MCM9: variants seen among roughly 807,000 people sequenced by gnomAD.
MCM9 encodes the protein DNA helicase MCM9.
In MCM9, 55 loss-of-function variants were observed where a neutral mutation model predicts 72.8. The observed-to-expected ratio is 0.76, with a 90% CI of 0.61 to 0.95. MCM9 has a LOEUF of 0.95. MCM9 is among the 40% of genes least tolerant of loss of function. MCM9 has a pLI of 0.00. For missense variants in MCM9, 1,279 were observed against 1,377.0 expected, an observed-to-expected ratio of 0.93 and a Z score of 1.13; for synonymous variants, 480 against 503.4, an observed-to-expected ratio of 0.95 and a Z score of 0.62.
chr6:118,876,608 C>T (rs1777946343), intron 8 of MCM9, among the ~76,000 whole-genome samples: 1 of 152,176 alleles, frequency 6.6e-6, no homozygotes. Context: ...AGATTTCTTA[C>T]ATATGACATC....
Position 118,814,993 on chromosome 6 carries a change from G to A in MCM9, c.3263C>T (p.Ser1088Phe), listed in dbSNP as rs901683620. The change falls in exon 14 of 14, where the codon TCC (serine) becomes TTC (phenylalanine). Residue 1088 changes from serine (S) to phenylalanine (F), a missense_variant. Transcript: ENST00000619706. ...CATTGGAGCTGTGGTTGTAGGAGGG[G>A]AGCTTGGGCCTCTCTCACCTCGGTT... ...RKNRGERGPS[S>F]PPTTTAPMRV... 5.0e-5 allele frequency: 78 copies of A among 1,550,360 alleles called. No individual in the cohort carries two copies. Among genetic ancestry groups the A allele is most frequent in the Non-Finnish European group, 6.5e-5 (74 of 1,146,940 alleles).
intron 9 of MCM9, among the ~76,000 whole-genome samples, chr6:118,849,586 A>G (rs577682710): frequency 6.6e-6 from 1 of 151,928 alleles, no homozygotes; most frequent in East Asian, 1.9e-4. Context: ...AAACAACACA[A>G]ACAACATTCT....
intron 13 of MCM9, among the ~76,000 whole-genome samples, chr6:118,825,627 C>T (rs776461560): frequency 1.1e-4 from 17 of 152,156 alleles, no homozygotes; most frequent in Admixed American, 9.8e-4. Flanking sequence ...CAGGCTTACA[C>T]GCAAAACCTA....
chr6:118,905,776 A>G, intron 8 of MCM9: 1 of 1,612,716 alleles, frequency 6.2e-7, no homozygotes, highest in Non-Finnish European at 8.5e-7. Flanking sequence ...AATAATGAAT[A>G]TACTGAGACA....
chr6:118,840,627 T>A (rs1008745416), intron 9 of MCM9, among the ~76,000 whole-genome samples: 25 of 152,012 alleles, frequency 1.6e-4, no homozygotes, highest in Admixed American at 6.6e-4. Context: ...GCATTTTTTT[T>A]AAAAAACCCA....
At chr6:118,830,425 CA>C (rs1774461874) in intron 9 of MCM9, among the ~76,000 whole-genome samples, 1 of 152,162 alleles carries the variant, frequency 6.6e-6, no homozygotes, top group Admixed American at 6.5e-5. Flanking sequence ...GAAAGATAAA[CA>C]AGGCATTTTT....
At chr6:118,881,736 A>T (rs1231534497) in intron 8 of MCM9, among the ~76,000 whole-genome samples, 1 of 152,226 alleles carries the variant, frequency 6.6e-6, no homozygotes, top group Non-Finnish European at 1.5e-5. Flanking sequence ...ATTATTTTTT[A>T]AAATCCAACC....
At chr6:118,832,666 C>A (rs1774651120) in intron 9 of MCM9, among the ~76,000 whole-genome samples, 1 of 152,212 alleles carries the variant, frequency 6.6e-6, no homozygotes, top group South Asian at 2.1e-4. Flanking sequence ...GTCCTACAAA[C>A]ACAGTAGTAA....
chr6:118,905,550 T>G (rs1487052349), intron 8 of MCM9: 1 of 838,982 alleles, frequency 1.2e-6, no homozygotes, highest in East Asian at 2.7e-5. Flanking sequence ...TTTTTCTTGT[T>G]GCATCCTCAA....
chr6:118,923,574 T>G (rs1781613821), intron 4 of MCM9, among the ~76,000 whole-genome samples: 1 of 152,236 alleles, frequency 6.6e-6, no homozygotes, highest in African/African-American at 2.4e-5. Flanking sequence ...CTTCTTTAAT[T>G]TTAATATAAT....
chr6:118,894,307 C>T, intron 8 of MCM9: 1 of 1,497,956 alleles, frequency 6.7e-7, no homozygotes, highest in Non-Finnish European at 8.9e-7. Context: ...TGCACGACGT[C>T]TGGCCGGCGC....
chr6:118,928,782 T>G (rs1782123217), intron 3 of MCM9, among the ~76,000 whole-genome samples: 1 of 148,778 alleles, frequency 6.7e-6, no homozygotes, highest in African/African-American at 2.5e-5. Context: ...AGCCCAGAAG[T>G]TAGAGACTGC....
intron 3 of MCM9, among the ~76,000 whole-genome samples, chr6:118,928,917 C>T (rs753358719): frequency 3.3e-5 from 5 of 151,748 alleles, no homozygotes; most frequent in East Asian, 1.9e-4. Context: ...ATACAGCAAG[C>T]GCTATTTAAA....
At chr6:118,837,805 C>G (rs1267497794) in intron 9 of MCM9, among the ~76,000 whole-genome samples, 3 of 152,122 alleles carry the variant, frequency 2.0e-5, no homozygotes, top group Non-Finnish European at 4.4e-5. Context: ...GATCTTGACT[C>G]TTTATCCAAT....
intron 8 of MCM9, among the ~76,000 whole-genome samples, chr6:118,865,698 T>C (rs1562415725): frequency 6.6e-6 from 1 of 152,212 alleles, no homozygotes. Flanking sequence ...ACCCCTATGA[T>C]AAATCTAGGC....
At chr6:118,849,917 C>T (rs794871) in intron 9 of MCM9, among the ~76,000 whole-genome samples, 147,999 of 151,796 alleles carry the variant, frequency 0.97, 72,388 homozygotes, top group Middle Eastern at 1. Flanking sequence ...AATCAGAAAC[C>T]AATGAATATC....
chr6:118,819,212 A>G (rs1264285776), intron 13 of MCM9, among the ~76,000 whole-genome samples: 1 of 152,200 alleles, frequency 6.6e-6, no homozygotes, highest in Non-Finnish European at 1.5e-5. Context: ...TTCAAGGGGA[A>G]TGCTTCCAGC....
At position 118,815,097 on chromosome 6, in the gene MCM9, G is replaced by A. The variant is rs1404860742; in HGVS notation, c.3159C>T (p.Cys1053=). 6.4e-7 allele frequency: 1 copy of A among 1,550,780 alleles called. No individual in the cohort carries two copies. Among genetic ancestry groups the A allele is most frequent in the Non-Finnish European group, 8.7e-7 (1 of 1,147,030 alleles). Residue 1053 remains cysteine (C), a synonymous_variant, in exon 14 of 14, where the codon TGC becomes TGT. Coordinates refer to ENST00000619706, the MANE Select transcript of MCM9 (RefSeq NM_017696.3). ...GSNKSGKVHA[C]TLARLANFCF... ...AGAAGTTTGCCAATCTGGCTAATGT[G>A]CAGGCATGAACCTTGCCGCTTTTAT...
chr6:118,924,713 T>G (rs1294745144), intron 3 of MCM9, among the ~76,000 whole-genome samples: 2 of 152,198 alleles, frequency 1.3e-5, no homozygotes, highest in Non-Finnish European at 2.9e-5. Flanking sequence ...AAAAGCCTTG[T>G]GTTTTTCAAC....
Sources: gnomAD v4.1 joint callset for allele counts (sites outside exome capture counted in the v4.1 genomes callset) on GRCh38, gnomAD v4.1.1 for gene constraint, MANE v1.5 for transcripts, NCBI Gene and HGNC (gene_info 2026-07-23, HGNC 2026-07-21) for gene names.